Variants in PRKCH observed in about 807,000 individuals in gnomAD.
The protein encoded by PRKCH is protein kinase C eta, also known as protein kinase C eta type.
A neutral mutation model predicts 82.5 loss-of-function variants in PRKCH; 28 were observed. The observed-to-expected ratio is 0.34, with a 90% confidence interval of 0.25 to 0.47. PRKCH has a LOEUF of 0.47. PRKCH is among the 20% of genes least tolerant of loss of function. The probability of loss-of-function intolerance (pLI) is 1.00; values close to 1 mark genes in which losing one functional copy is unlikely to be tolerated. For missense variants in PRKCH, 705 were observed against 881.8 expected (o/e 0.80, Z 2.54); for synonymous variants, 322 against 327.4 (o/e 0.98, Z 0.18).
At chr14:61,466,781 C>A (rs147806512) in intron 9 of PRKCH, among the ~76,000 whole-genome samples, 1 of 152,154 alleles carries the variant, frequency 6.6e-6, no homozygotes, top group Admixed American at 6.5e-5. Context: ...CGATGCCGGT[C>A]GCTTTTGCCT....
At chr14:61,198,629 C>T (rs2044458005) in intron 1 of PRKCH, among the ~76,000 whole-genome samples, 1 of 152,190 alleles carries the variant, frequency 6.6e-6, no homozygotes, top group East Asian at 1.9e-4. Context: ...CAGTGTGAAA[C>T]ATAGTAGATG....
intron 1 of PRKCH, chr14:61,279,774 A>T: frequency 3.4e-6 from 1 of 294,902 alleles, no homozygotes; most frequent in Non-Finnish European, 6.3e-6. Flanking sequence ...TTCCTCTAAT[A>T]GGGGTTTAAT....
At chr14:61,279,973 T>C in intron 1 of PRKCH, 1 of 880,900 alleles carries the variant, frequency 1.1e-6, no homozygotes, top group South Asian at 1.8e-5. Context: ...GGTCCCCTCA[T>C]TCACAAAGGG....
intron 12 of PRKCH, among the ~76,000 whole-genome samples, chr14:61,532,527 T>A (rs1338258944): frequency 6.6e-6 from 1 of 152,212 alleles, no homozygotes; most frequent in Non-Finnish European, 1.5e-5. Context: ...CTCATTCTCG[T>A]GTTTCAGAGT....
intron 13 of PRKCH, among the ~76,000 whole-genome samples, chr14:61,549,418 T>C (rs1594805927): frequency 6.6e-6 from 1 of 152,348 alleles, no homozygotes; most frequent in East Asian, 1.9e-4. Flanking sequence ...GATGACCAAA[T>C]TAATTCTTAG....
At chr14:61,406,033 T>C (rs1221379968) in intron 2 of PRKCH, among the ~76,000 whole-genome samples, 1 of 152,216 alleles carries the variant, frequency 6.6e-6, no homozygotes, top group African/African-American at 2.4e-5. Context: ...CCAGTCTGAA[T>C]GAGAATCTCT....
intron 9 of PRKCH, among the ~76,000 whole-genome samples, chr14:61,465,606 A>G (rs193228129): frequency 5.9e-5 from 9 of 152,338 alleles, no homozygotes; most frequent in Admixed American, 4.6e-4. Context: ...TGCCAGTACC[A>G]TAATGTTTTG....
At chr14:61,322,551 C>T (rs1367775195) in intron 1 of PRKCH, 87 bp downstream of exon 1, 2 of 1,492,782 alleles carry the variant, frequency 1.3e-6, no homozygotes, top group African/African-American at 2.8e-5. Flanking sequence ...CCCGCTTTCC[C>T]ATCGCTTTGT....
chr14:61,472,990 A>T (rs1289757373), intron 9 of PRKCH, among the ~76,000 whole-genome samples: 1 of 152,188 alleles, frequency 6.6e-6, no homozygotes, highest in Non-Finnish European at 1.5e-5. Flanking sequence ...TGTGATGGAG[A>T]GAAGAAAGTC....
intron 1 of PRKCH, among the ~76,000 whole-genome samples, chr14:61,196,170 A>G (rs529773606): frequency 2.0e-5 from 3 of 152,154 alleles, no homozygotes; most frequent in Non-Finnish European, 4.4e-5. Flanking sequence ...TCCTGGAGGG[A>G]AGGAGAAAGG....
chr14:61,499,939 G>C (rs188051914), intron 10 of PRKCH, among the ~76,000 whole-genome samples: 1 of 151,262 alleles, frequency 6.6e-6, no homozygotes, highest in East Asian at 1.9e-4. Context: ...ATATGTGAAG[G>C]CAGTCTGGGT....
intron 2 of PRKCH, among the ~76,000 whole-genome samples, chr14:61,418,875 G>T (rs1191034661): frequency 6.6e-6 from 1 of 152,176 alleles, no homozygotes; most frequent in African/African-American, 2.4e-5. Context: ...CTTCCTAAAA[G>T]AAGCAATATA....
chr14:61,339,619 G>T (rs1448342156), intron 1 of PRKCH, among the ~76,000 whole-genome samples: 3 of 119,390 alleles, frequency 2.5e-5, no homozygotes, highest in African/African-American at 9.3e-5. Flanking sequence ...CACCAAGCCC[G>T]GCCTTTTTTT....
intron 2 of PRKCH, among the ~76,000 whole-genome samples, chr14:61,419,678 C>T (rs747116112): frequency 6.6e-6 from 1 of 152,208 alleles, no homozygotes; most frequent in Non-Finnish European, 1.5e-5. Flanking sequence ...CTGGGCTACA[C>T]AGATGCACTA....
intron 1 of PRKCH, among the ~76,000 whole-genome samples, chr14:61,388,529 C>T (rs553809364): frequency 2.0e-5 from 3 of 152,288 alleles, no homozygotes; most frequent in East Asian, 1.9e-4. Context: ...ATGGCGGAGG[C>T]GGCCAGGCAG....
Position 61,310,585 on chromosome 14 carries a change from G to A in PRKCH, c.-19+122917G>A, listed in dbSNP as rs77898522. On this transcript the variant is annotated intron_variant, in intron 1 of 3. Coordinates refer to the PRKCH transcript ENST00000555185. ...TACAGCTCCCTTCCTGGCTGCTTTC[G>A]AGGTGTTGGTGTTGAGTGCCTGTGG... 7.0e-3 allele frequency among the ~76,000 whole-genome samples: 1,066 copies of A among 152,288 alleles called. 42 individuals are homozygous for A. In the East Asian group the frequency reaches 0.096, roughly 14 times the overall value.
chr14:61,314,957 C>T (rs1293372217), intron 1 of PRKCH, among the ~76,000 whole-genome samples: 3 of 152,152 alleles, frequency 2.0e-5, no homozygotes, highest in South Asian at 2.1e-4. Flanking sequence ...AGTCTGGAAA[C>T]TTCCCAATGA....
chr14:61,397,501 A>G (rs186703997), intron 2 of PRKCH, among the ~76,000 whole-genome samples: 13 of 152,366 alleles, frequency 8.5e-5, no homozygotes, highest in Admixed American at 6.5e-4. Context: ...GAAAACCAGC[A>G]AGGCTGACCA....
chr14:61,265,732 A>C (rs115349806), intron 1 of PRKCH, among the ~76,000 whole-genome samples: 10,249 of 152,166 alleles, frequency 0.067, 396 homozygotes, highest in East Asian at 0.15. Context: ...TTGCTACATT[A>C]GTGTACAGTG....
Sources: allele counts gnomAD v4.1 joint callset (sites outside exome capture counted in the v4.1 genomes callset), GRCh38; gene constraint gnomAD v4.1.1; transcripts MANE v1.5; gene names NCBI Gene and HGNC (gene_info 2026-07-23, HGNC 2026-07-21).